TENM2: variants seen among roughly 807,000 people sequenced by gnomAD.
The protein encoded by TENM2 is teneurin-2.
In TENM2, 52 loss-of-function variants were observed where a neutral mutation model predicts 245.2. The ratio of observed to expected loss-of-function variants is 0.21; its 90% confidence interval spans 0.17 to 0.27. The LOEUF (loss-of-function observed/expected upper bound fraction) is 0.27. TENM2 is among the 10% of genes least tolerant of loss of function. The probability of loss-of-function intolerance (pLI) is 1.00; values close to 1 mark genes in which losing one functional copy is unlikely to be tolerated. For synonymous variants in TENM2, 1,363 were observed against 1,438.9 expected (o/e 0.95, Z 1.19); for missense variants, 3,046 against 3,666.8 (o/e 0.83, Z 4.37).
intron 2 of TENM2, among the ~76,000 whole-genome samples, chr5:167,482,829 A>C (rs1767840222): frequency 6.6e-6 from 1 of 152,226 alleles, no homozygotes; most frequent in Non-Finnish European, 1.5e-5. Flanking sequence ...GTGCTTACTC[A>C]GTGTCTGACA....
intron 4 of TENM2, among the ~76,000 whole-genome samples, chr5:167,983,670 T>C (rs894508732): frequency 6.6e-6 from 1 of 152,214 alleles, no homozygotes; most frequent in African/African-American, 2.4e-5. Flanking sequence ...GGCTTCTTGT[T>C]TTTCAAACCT....
chr5:167,174,389 T>C, the TENM2 span, among the ~76,000 whole-genome samples: 1 of 152,184 alleles, frequency 6.6e-6, no homozygotes, highest in Non-Finnish European at 1.5e-5. Context: ...TGGGGCTCTC[T>C]CTAGTGCCCT....
chr5:167,136,617 T>C, the TENM2 span, among the ~76,000 whole-genome samples: 2 of 152,304 alleles, frequency 1.3e-5, no homozygotes, highest in African/African-American at 4.8e-5. Flanking sequence ...TATTTCTATA[T>C]TGCTTTTCTC....
chr5:167,114,663 CA>C, the TENM2 span, among the ~76,000 whole-genome samples: 1 of 152,094 alleles, frequency 6.6e-6, no homozygotes, highest in Non-Finnish European at 1.5e-5. Flanking sequence ...TCTTTTTAAA[CA>C]AAACTTTACC....
At chr5:167,683,219 C>T (rs949553616) in intron 2 of TENM2, among the ~76,000 whole-genome samples, 6 of 150,336 alleles carry the variant, frequency 4.0e-5, no homozygotes, top group Non-Finnish European at 8.8e-5. Flanking sequence ...CCTGTATCCT[C>T]TAATATCTCT....
At chr5:167,748,632 G>C (rs1432035696) in intron 2 of TENM2, among the ~76,000 whole-genome samples, 6 of 142,726 alleles carry the variant, frequency 4.2e-5, no homozygotes, top group Non-Finnish European at 8.1e-5. Flanking sequence ...ATAAACAAAG[G>C]AGGTTTAATT....
intron 2 of TENM2, among the ~76,000 whole-genome samples, chr5:167,753,280 A>G (rs1440467070): frequency 6.6e-6 from 1 of 152,216 alleles, no homozygotes; most frequent in Non-Finnish European, 1.5e-5. Flanking sequence ...TTAGGGATAC[A>G]TTACAGCTGT....
At chr5:167,427,897 A>T (rs13185589) in intron 2 of TENM2, among the ~76,000 whole-genome samples, 5,863 of 78,344 alleles carry the variant, frequency 0.075, 15 homozygotes, top group Middle Eastern at 0.14. Flanking sequence ...GGAAGGACGG[A>T]AAGGAAGGGA....
chr5:168,152,512 A>T (rs1756739976), intron 12 of TENM2, among the ~76,000 whole-genome samples: 2 of 152,158 alleles, frequency 1.3e-5, no homozygotes, highest in African/African-American at 4.8e-5. Flanking sequence ...CTGTGGCTAT[A>T]AGGATGCTCA....
intron 12 of TENM2, among the ~76,000 whole-genome samples, chr5:168,161,306 T>C (rs939301290): frequency 4.6e-5 from 7 of 152,084 alleles, no homozygotes. Context: ...GAAACAGAGA[T>C]GGTGGCAGAG....
chr5:167,471,272 A>C (rs951651070), intron 2 of TENM2, among the ~76,000 whole-genome samples: 1 of 152,166 alleles, frequency 6.6e-6, no homozygotes, highest in Admixed American at 6.5e-5. Context: ...CTACAAGTAC[A>C]ATCATTTTGT....
chr5:167,912,542 G>C (rs186319191), intron 3 of TENM2, among the ~76,000 whole-genome samples: 2 of 152,168 alleles, frequency 1.3e-5, no homozygotes, highest in African/African-American at 2.4e-5. Context: ...ATTATACAAC[G>C]GGAGTGGGAG....
intron 2 of TENM2, among the ~76,000 whole-genome samples, chr5:167,580,930 AGTGAGCGGAGATC>A (rs1446953129): frequency 3.3e-5 from 5 of 152,236 alleles, no homozygotes; most frequent in Non-Finnish European, 5.9e-5. Flanking sequence ...CGGACGTTGT[AGTGAGCGGAGATC>A]GTGCCGCTGC....
the TENM2 span, among the ~76,000 whole-genome samples, chr5:167,119,222 A>C: frequency 6.6e-6 from 1 of 152,218 alleles, no homozygotes; most frequent in Non-Finnish European, 1.5e-5. Flanking sequence ...ATAACTTTGA[A>C]AGTGTTTTAT....
chr5:168,252,701 G>A (rs1003562873), intron 27 of TENM2, among the ~76,000 whole-genome samples: 3 of 151,686 alleles, frequency 2.0e-5, no homozygotes, highest in African/African-American at 7.3e-5. Context: ...AAAAAAATTA[G>A]CCAGGCATCG....
the TENM2 span, among the ~76,000 whole-genome samples, chr5:167,212,657 A>AG: frequency 2.0e-5 from 3 of 152,232 alleles, no homozygotes; most frequent in African/African-American, 7.2e-5. Flanking sequence ...GTTTATACAA[A>AG]GGTAAACTTA....
the TENM2 span, among the ~76,000 whole-genome samples, chr5:167,189,534 T>C: frequency 2.6e-5 from 4 of 151,864 alleles, no homozygotes; most frequent in Non-Finnish European, 5.9e-5. Context: ...TCTCTCTTTC[T>C]TTCGTTCTCT....
At chr5:168,047,295 C>G (rs1333087310) in intron 5 of TENM2, 132 bp from the exon 8 acceptor site, 1 of 1,001,476 alleles carries the variant, frequency 1.0e-6, no homozygotes, top group Non-Finnish European at 1.5e-6. Flanking sequence ...ATCCCTGTGG[C>G]CTGGGGCAAG....
At chr5:167,364,698 C>G (rs967866065) in intron 1 of TENM2, among the ~76,000 whole-genome samples, 2 of 151,652 alleles carry the variant, frequency 1.3e-5, no homozygotes, top group Non-Finnish European at 2.9e-5. Context: ...TTTAAGATCA[C>G]GAGAATTACA....
Sources: gnomAD v4.1 joint callset for allele counts (sites outside exome capture counted in the v4.1 genomes callset) on GRCh38, gnomAD v4.1.1 for gene constraint, MANE v1.5 for transcripts, NCBI Gene and HGNC (gene_info 2026-07-23, HGNC 2026-07-21) for gene names.